The following MYO3B variants were observed in gnomAD, a reference collection of about 807,000 sequenced individuals.
MYO3B encodes myosin IIIB.
A neutral mutation model predicts 174.6 loss-of-function variants in MYO3B; 156 were observed. The observed-to-expected ratio is 0.89, with a 90% confidence interval of 0.78 to 1.02. The LOEUF (loss-of-function observed/expected upper bound fraction) is 1.02, where lower values mean the gene tolerates loss of function less well. Ranked by LOEUF, MYO3B falls within the 50% of genes least tolerant of loss-of-function variation. The probability of loss-of-function intolerance (pLI) is 0.00; values close to 1 mark genes in which losing one functional copy is unlikely to be tolerated. For synonymous variants in MYO3B, 563 were observed against 569.1 expected, an observed-to-expected ratio of 0.99 and a Z score of 0.15; for missense variants, 1,632 against 1,639.4, an observed-to-expected ratio of 1.00 and a Z score of 0.08.
At chr2:170,304,982 T>A (rs1453293197) in intron 7 of MYO3B, among the ~76,000 whole-genome samples, 1 of 152,182 alleles carries the variant, frequency 6.6e-6, no homozygotes, top group Non-Finnish European at 1.5e-5. Flanking sequence ...TGAATTCTAT[T>A]TCATGCTTAT....
intron 32 of MYO3B, among the ~76,000 whole-genome samples, chr2:170,547,883 G>A (rs1690634354): frequency 6.6e-6 from 1 of 152,078 alleles, no homozygotes; most frequent in South Asian, 2.1e-4. Flanking sequence ...GTGATAAGGG[G>A]TGGCCCAGGC....
chr2:170,585,474 GC>G (rs1693444624), intron 32 of MYO3B, among the ~76,000 whole-genome samples: 1 of 151,896 alleles, frequency 6.6e-6, no homozygotes, highest in Non-Finnish European at 1.5e-5. Context: ...TCCACCTCCC[GC>G]CTGCATTGTA....
At chr2:170,459,634 C>T (rs1684132057) in intron 23 of MYO3B, among the ~76,000 whole-genome samples, 2 of 152,212 alleles carry the variant, frequency 1.3e-5, no homozygotes, top group African/African-American at 4.8e-5. Flanking sequence ...CTCCTGCACT[C>T]CTCAGCCCTT....
chr2:170,235,212 G>A lies in MYO3B; in HGVS notation c.604-779G>A, dbSNP rs189228097. On this transcript the variant is annotated intron_variant, in intron 6 of 34. Transcript: ENST00000408978. ...ATTTTAGGTCAAATAGGAGTTCCTGGTCCTCCACATCCTCTGGCTCACTCC... is the reference window on the plus strand; with the variant it reads ...ATTTTAGGTCAAATAGGAGTTCCTGATCCTCCACATCCTCTGGCTCACTCC... Among the ~76,000 whole-genome samples, 2 of 152,280 alleles carry A rather than the reference G, an allele frequency of 1.3e-5. 1 individual carries two copies. The highest frequency in any genetic ancestry group is 3.9e-4 in the East Asian group (2 of 5,178).
rs1336685858 is a variant in MYO3B at position 170,652,113 on chromosome 2, T to C, written c.3846T>C (p.Thr1282=). ...DTMYYNQLNG[T]LEYQGSKRKP... ...GTTCTTGGCCCTCTCCACAGGGAAC[T>C]CTAGAATATCAAGGGAGCAAGAGGA... The change falls in exon 34 of 35, where the codon ACT becomes ACC. Residue 1282 remains threonine (T), a synonymous_variant. Transcript: ENST00000408978. The C allele has an allele frequency of 7.4e-6, 12 of 1,613,856 alleles. No homozygotes were observed. The highest frequency in any genetic ancestry group is 1.0e-5 in the Non-Finnish European group (12 of 1,179,974).
At position 170,653,109 on chromosome 2, in the gene MYO3B, T is replaced by G. The variant is rs372816136; in HGVS notation, c.4014T>G (p.Phe1338Leu). 8 of 1,614,192 alleles carry G rather than the reference T, an allele frequency of 5.0e-6. No individual in the cohort carries two copies. The highest frequency in any genetic ancestry group is 6.8e-6 in the Non-Finnish European group (8 of 1,180,030). The change falls in exon 35 of 35, where the codon TTT (phenylalanine) becomes TTG (leucine). Residue 1338 changes from phenylalanine (F) to leucine (L), a missense_variant. Phe to Leu is a conservative substitution (Grantham distance 22). Transcript: ENST00000408978. Reference sequence around the variant, plus strand: ...CTTCATCCTCAAAAGGAGACTCTTTTGCTCAACATTAAATTGTGCTTCCTA... The same window carrying G: ...CTTCATCCTCAAAAGGAGACTCTTTGGCTCAACATTAAATTGTGCTTCCTA... ...FFSSSSKGDS[F>L]AQH
intron 1 of MYO3B, among the ~76,000 whole-genome samples, chr2:170,183,129 C>A (rs1196737876): frequency 6.6e-6 from 1 of 151,938 alleles, no homozygotes; most frequent in Non-Finnish European, 1.5e-5. Context: ...TGGTGGCATG[C>A]ACCTGTAATC....
Position 170,401,513 on chromosome 2 carries a change from C to T in MYO3B, c.1951C>T (p.Leu651Phe). Residue 651 changes from leucine (L) to phenylalanine (F), a missense_variant, in exon 18 of 35, where the codon CTC becomes TTC. Coordinates refer to ENST00000408978, the MANE Select transcript of MYO3B (RefSeq NM_138995.5). ...TGTTCTGTGCATTAGCCCTGAAGAGCTCCAGGAGGCCCTCACCTCCCACTG... is the reference window on the plus strand; with the variant it reads ...TGTTCTGTGCATTAGCCCTGAAGAGTTCCAGGAGGCCCTCACCTCCCACTG... ...ASVLCISPEE[L>F]QEALTSHCVV... The T allele has an allele frequency of 6.2e-7, 1 of 1,614,130 alleles. No individual in the cohort carries two copies. Among genetic ancestry groups the T allele is most frequent in the African/African-American group, 1.3e-5 (1 of 75,058 alleles).
At chr2:170,425,396 A>T (rs187410964) in intron 22 of MYO3B, among the ~76,000 whole-genome samples, 20 of 152,360 alleles carry the variant, frequency 1.3e-4, no homozygotes, top group Admixed American at 1.3e-3. Flanking sequence ...TGGCTTGCAC[A>T]TGTGAGTCAT....
rs139211482 is a variant in MYO3B, at chr2:170,556,123, G to A, written c.3733+12135G>A. Among the ~76,000 whole-genome samples, 630 of 152,000 alleles carry A rather than the reference G, an allele frequency of 4.1e-3. 7 individuals are homozygous for A. The highest frequency in any genetic ancestry group is 0.014 in the Middle Eastern group (4 of 294). On this transcript the variant is annotated intron_variant, in intron 32 of 34. Coordinates refer to ENST00000408978, the MANE Select transcript of MYO3B (RefSeq NM_138995.5). ...AGGCAGGAGAATCACTTGAACCTGGGAGGCAGAGGTTGCAGTGAGCCGAGA... is the reference window on the plus strand; with the variant it reads ...AGGCAGGAGAATCACTTGAACCTGGAAGGCAGAGGTTGCAGTGAGCCGAGA...
chr2:170,527,644 G>C, intron 30 of MYO3B, among the ~76,000 whole-genome samples: 1 of 152,180 alleles, frequency 6.6e-6, no homozygotes, highest in East Asian at 1.9e-4. Flanking sequence ...AAACGATTCA[G>C]CTACAGACCC....
intron 7 of MYO3B, among the ~76,000 whole-genome samples, chr2:170,329,151 C>CA (rs531114026): frequency 0.12 from 18,196 of 148,386 alleles, 1,925 homozygotes; most frequent in African/African-American, 0.28. Flanking sequence ...GACTCTGTCT[C>CA]CAAAAAAAAA....
At chr2:170,406,187 C>G (rs552468788) in intron 21 of MYO3B, among the ~76,000 whole-genome samples, 1 of 152,282 alleles carries the variant, frequency 6.6e-6, no homozygotes, top group East Asian at 1.9e-4. Context: ...GTGACTGATT[C>G]AGGAAATTCC....
chr2:170,552,878 G>A (rs1691020634), intron 32 of MYO3B, among the ~76,000 whole-genome samples: 1 of 152,164 alleles, frequency 6.6e-6, no homozygotes, highest in African/African-American at 2.4e-5. Context: ...TCAGGACATG[G>A]TGCCCTGCAT....
chr2:170,247,497 G>C (rs1177670818), intron 7 of MYO3B, among the ~76,000 whole-genome samples: 1 of 152,184 alleles, frequency 6.6e-6, no homozygotes, highest in East Asian at 1.9e-4. Context: ...TCAAGGTTTC[G>C]TTCTTTATCT....
chr2:170,338,054 G>T (rs567236201), intron 8 of MYO3B: 1 of 152,284 alleles, frequency 6.6e-6, no homozygotes, highest in Admixed American at 6.5e-5. Flanking sequence ...TCCTCCCTAA[G>T]ATAGTTCCTT....
chr2:170,304,734 T>C (rs2093689353), intron 7 of MYO3B, among the ~76,000 whole-genome samples: 1 of 152,106 alleles, frequency 6.6e-6, no homozygotes, highest in Non-Finnish European at 1.5e-5. Flanking sequence ...CCCAAAGTAC[T>C]GGGATTACGG....
At chr2:170,375,728 C>CACAT (rs1330651389) in intron 9 of MYO3B, among the ~76,000 whole-genome samples, 1 of 151,316 alleles carries the variant, frequency 6.6e-6, no homozygotes, top group Non-Finnish European at 1.5e-5. Flanking sequence ...CATGCACACA[C>CACAT]ACACACACAC....
At chr2:170,260,059 T>C (rs1373596837) in intron 7 of MYO3B, among the ~76,000 whole-genome samples, 1 of 151,686 alleles carries the variant, frequency 6.6e-6, no homozygotes, top group Non-Finnish European at 1.5e-5. Flanking sequence ...TATTAAAAAG[T>C]CAAAAAATAA....
Sources: gnomAD v4.1 joint callset for allele counts (sites outside exome capture counted in the v4.1 genomes callset) on GRCh38, gnomAD v4.1.1 for gene constraint, MANE v1.5 for transcripts, NCBI Gene and HGNC (gene_info 2026-07-23, HGNC 2026-07-21) for gene names.